The following LRRC9 variants were observed in gnomAD, a reference collection of about 807,000 sequenced individuals.
LRRC9 encodes the protein leucine rich repeat containing 9, also known as leucine-rich repeat-containing protein 9.
LRRC9 carries 122 observed loss-of-function variants against 63.2 expected under a neutral mutation model. That is an observed-to-expected ratio of 1.93 (90% CI 1.67 to 2.24). The LOEUF (loss-of-function observed/expected upper bound fraction) is 2.24, where lower values mean the gene tolerates loss of function less well. LRRC9 is among the 30% of genes most tolerant of loss of function. LRRC9 has a pLI of 0.00. For missense variants in LRRC9, 1,071 were observed against 627.7 expected (o/e 1.71, Z -7.55); for synonymous variants, 366 against 213.1 (o/e 1.72, Z -6.25).
In LRRC9 at chr14:59,930,076, T is replaced by C. The variant is rs1250054490; in HGVS notation, c.268-842T>C. Among the ~76,000 whole-genome samples the C allele has an allele frequency of 6.6e-6, 1 of 151,926 alleles. No homozygotes were observed. Among genetic ancestry groups the C allele is most frequent in the Non-Finnish European group, 1.5e-5 (1 of 67,916 alleles). ...TGCACCCCTGAACTTAAAATATAAG[T>C]TCAATAAATAAATAAATTGATTTGT... On this transcript the variant is annotated intron_variant, in intron 3 of 31. Transcript: ENST00000445360. The surrounding 1 kb of genome is among the most constrained non-coding windows in gnomAD (Gnocchi z 4.9).
chr14:59,945,324 T>C (rs74520647), intron 8 of LRRC9, among the ~76,000 whole-genome samples: 49 of 152,134 alleles, frequency 3.2e-4, no homozygotes, highest in African/African-American at 1.1e-3. Context: ...ATCTTGTATA[T>C]ATAGTAATTC....
chr14:59,969,755 C>T (rs1360928632), intron 12 of LRRC9, among the ~76,000 whole-genome samples: 1 of 152,154 alleles, frequency 6.6e-6, no homozygotes, highest in Non-Finnish European at 1.5e-5. Context: ...AGTAAATCTG[C>T]TCACATAGCT....
At chr14:60,018,972 T>C (rs932074644) in intron 25 of LRRC9, 149 bp from the exon 26 acceptor site, 37 of 438,974 alleles carry the variant, frequency 8.4e-5, no homozygotes, top group Non-Finnish European at 4.4e-5. Flanking sequence ...TAAAAACACA[T>C]TGAAAACTAA....
In LRRC9 at chr14:59,989,684, T is replaced by G. The variant is rs1225649867; in HGVS notation, c.2211+4460T>G. On this transcript the variant is annotated intron_variant, in intron 17 of 31. Coordinates refer to ENST00000445360, the Ensembl canonical transcript of LRRC9. ...TTGCTACCAGTAATATTAACCTCTG[T>G]CTTCCCCCTCTCCACACTCCCACCA... Among the ~76,000 whole-genome samples the G allele has an allele frequency of 2.6e-5, 4 of 152,120 alleles. 1 individual carries two copies. Among genetic ancestry groups the G allele is most frequent in the Non-Finnish European group, 5.9e-5 (4 of 67,994 alleles).
chr14:59,937,314 C>T (rs988007419), intron 6 of LRRC9, among the ~76,000 whole-genome samples: 12 of 149,178 alleles, frequency 8.0e-5, no homozygotes, highest in African/African-American at 2.7e-4. Context: ...ATGTAAATAA[C>T]ATTCTTTTTT....
At chr14:60,052,892 T>A (rs945485136) in intron 29 of LRRC9, among the ~76,000 whole-genome samples, 173 bp from the exon 30 acceptor site, 1 of 152,228 alleles carries the variant, frequency 6.6e-6, no homozygotes. Context: ...TTTGGCATAA[T>A]AGGAAATTGA....
chr14:59,928,492 T>A lies in LRRC9; in HGVS notation c.267+6T>A, dbSNP rs1889405187. ...TTGCTGAGTGCTGCATAGAGGTAAGTGTAAACATAAAACCTCACATGGAGT... is the reference window on the plus strand; with the variant it reads ...TTGCTGAGTGCTGCATAGAGGTAAGAGTAAACATAAAACCTCACATGGAGT... On this transcript the variant is annotated splice_donor_region_variant and intron_variant, in intron 3 of 31. Coordinates refer to ENST00000445360, the Ensembl canonical transcript of LRRC9. 1.6e-6 allele frequency: 1 copy of A among 636,574 alleles called. No individual in the cohort carries two copies. Among genetic ancestry groups the A allele is most frequent in the East Asian group, 2.8e-5 (1 of 35,606 alleles). The allele number at this position is 636,574 out of a possible 1,614,324, so 39.4% of individuals were successfully genotyped here.
chr14:59,926,370 TC>T (rs1169969351), intron 1 of LRRC9, among the ~76,000 whole-genome samples: 5 of 152,196 alleles, frequency 3.3e-5, no homozygotes, highest in Non-Finnish European at 1.5e-5. Context: ...TCATCTTTTT[TC>T]TTAACATTTT....
chr14:60,037,125 A>G (rs1407173108), intron 29 of LRRC9, among the ~76,000 whole-genome samples: 1 of 152,168 alleles, frequency 6.6e-6, no homozygotes, highest in South Asian at 2.1e-4. Context: ...ATAGTATTCC[A>G]TGGTGTATAT....
chr14:59,959,257 A>C (rs2139961522), intron 8 of LRRC9, among the ~76,000 whole-genome samples: 2 of 152,184 alleles, frequency 1.3e-5, no homozygotes, highest in South Asian at 4.1e-4. Flanking sequence ...AAATTTAAAA[A>C]CCCCAAAATA....
chr14:59,931,184 C>CA (rs1298182290), intron 4 of LRRC9, 126 bp downstream of exon 4: 68 of 292,700 alleles, frequency 2.3e-4, no homozygotes, highest in Non-Finnish European at 6.3e-6. Context: ...TTATTGTTGT[C>CA]AAAAAGAACT....
rs115480115 is a variant in LRRC9 at position 59,958,965 on chromosome 14, T to C, written c.883-853T>C. On this transcript the variant is annotated intron_variant, in intron 8 of 31. Transcript: ENST00000445360. The surrounding 1 kb of genome is among the most constrained non-coding windows in gnomAD (Gnocchi z 4.0). ...CACTGTCTAACCAGTCTCACTGAGA[T>C]GAACAGGGTACCTCAGTTGGAAATG... Among the ~76,000 whole-genome samples the C allele has an allele frequency of 0.014, 2,170 of 152,308 alleles. 54 individuals carry two copies. Among genetic ancestry groups the C allele is most frequent in the East Asian group, 0.058 (299 of 5,176 alleles).
intron 1 of LRRC9, among the ~76,000 whole-genome samples, chr14:59,921,460 GA>G (rs964058944): frequency 3.3e-5 from 5 of 151,272 alleles, no homozygotes; most frequent in Non-Finnish European, 7.4e-5. Context: ...TGAGGAGGAG[GA>G]AAAAAAATGT....
chr14:60,008,220 T>A lies in LRRC9; in HGVS notation c.3186+6T>A. Reference sequence around the variant, plus strand: ...CTTTGGATGGGATACCAATTGTAAGTTGATTTATGACTCACAACATTTGGT... The same window carrying A: ...CTTTGGATGGGATACCAATTGTAAGATGATTTATGACTCACAACATTTGGT... On this transcript the variant is annotated splice_donor_region_variant and intron_variant, in intron 23 of 31. Coordinates refer to ENST00000445360, the Ensembl canonical transcript of LRRC9. The A allele has an allele frequency of 4.3e-6, 3 of 697,644 alleles. No homozygotes were observed. In the South Asian group the frequency reaches 4.5e-5, roughly 10 times the overall value. The allele number at this position is 697,644 out of a possible 1,614,324, so 43.2% of individuals were successfully genotyped here.
At chr14:60,010,295 C>T (rs963356074) in intron 23 of LRRC9, among the ~76,000 whole-genome samples, 1 of 152,226 alleles carries the variant, frequency 6.6e-6, no homozygotes, top group African/African-American at 2.4e-5. Flanking sequence ...TGTGTACCCA[C>T]AGGACCAACA....
At chr14:59,978,573 T>C (rs982118043) in intron 15 of LRRC9, among the ~76,000 whole-genome samples, 1 of 152,210 alleles carries the variant, frequency 6.6e-6, no homozygotes, top group African/African-American at 2.4e-5. Context: ...GTGATTTTTT[T>C]GCCTTTAACA....
intron 1 of LRRC9, among the ~76,000 whole-genome samples, chr14:59,921,035 G>C (rs911206789): frequency 6.6e-6 from 1 of 152,178 alleles, no homozygotes; most frequent in Non-Finnish European, 1.5e-5. Context: ...TCACAAGAAA[G>C]AGAATGCTTA....
rs188747099 is a variant in LRRC9 at position 60,028,337 on chromosome 14, C to A, written c.3921+236C>A. ...AGCTCATTAACAAAGATTAGTTCTA[C>A]GTGTTCTAAGGCTCTTCTCATCAGT... On this transcript the variant is annotated intron_variant, in intron 28 of 31. Coordinates refer to ENST00000445360, the Ensembl canonical transcript of LRRC9. Among the ~76,000 whole-genome samples the A allele has an allele frequency of 7.8e-4, 119 of 152,150 alleles. No homozygotes were observed. In the Middle Eastern group the frequency reaches 0.01, roughly 13 times the overall value.
rs1889629433 is a variant in LRRC9 at position 60,004,262 on chromosome 14, A to G, written c.2842+464A>G. On this transcript the variant is annotated intron_variant, in intron 21 of 31. Transcript: ENST00000445360. The surrounding 1 kb of genome is among the most constrained non-coding windows in gnomAD (Gnocchi z 4.8). The stretch of plus-strand genomic sequence containing the variant: ...AATGTCTGTAAAGTTGAGTAAACAA[A>G]TGAATGAGGTATGCTTTTGAAAAAG... Among the ~76,000 whole-genome samples the G allele has an allele frequency of 6.6e-6, 1 of 152,122 alleles. No individual in the cohort carries two copies.
Sources: allele counts gnomAD v4.1 joint callset (sites outside exome capture counted in the v4.1 genomes callset), GRCh38; gene constraint gnomAD v4.1.1; non-coding constraint Gnocchi (gnomAD v3.1); transcripts MANE v1.5; gene names NCBI Gene and HGNC (gene_info 2026-07-23, HGNC 2026-07-21).